The following GUCY1B1 variants were observed in gnomAD, a reference collection of about 807,000 sequenced individuals.
GUCY1B1 encodes guanylate cyclase 1 soluble subunit beta 1, also known as guanylate cyclase soluble subunit beta-1.
Under a neutral mutation model 71.0 loss-of-function variants are expected in GUCY1B1, and 43 were observed. The ratio of observed to expected loss-of-function variants is 0.61; its 90% CI spans 0.47 to 0.78. GUCY1B1 has a LOEUF of 0.78. GUCY1B1 is among the 30% of genes least tolerant of loss of function. The pLI is 0.00. For synonymous variants in GUCY1B1, 266 were observed against 259.7 expected (o/e 1.02, Z -0.23); for missense variants, 535 against 754.1 (o/e 0.71, Z 3.40).
In GUCY1B1 at chr4:155,807,576, T is replaced by C. The variant is rs1031090999; in HGVS notation, c.*1167T>C. ...AATGTGTAAAAGAGTCTGTAATAAA[T>C]TATTTTTTTCACGTGTCTCTATACA... On this transcript the variant is annotated 3_prime_UTR_variant, in exon 14 of 14. Transcript: ENST00000264424. 3.3e-5 allele frequency: 5 copies of C among 152,090 alleles called. No individual in the cohort carries two copies. Among genetic ancestry groups the C allele is most frequent in the Non-Finnish European group, 7.4e-5 (5 of 67,966 alleles). The allele number at this position is 152,090 out of a possible 1,614,324, so 9.4% of individuals were successfully genotyped here. A position where few individuals can be genotyped will look rare whatever the true frequency, so the allele number is the denominator to read the frequency against.
intron 2 of GUCY1B1, among the ~76,000 whole-genome samples, chr4:155,768,226 AC>A (rs2110991242): frequency 6.6e-6 from 1 of 152,182 alleles, no homozygotes; most frequent in East Asian, 1.9e-4. Context: ...TTCTTAACTT[AC>A]TCTAAAAATG....
chr4:155,775,439 C>T (rs369198069), intron 3 of GUCY1B1, among the ~76,000 whole-genome samples: 12 of 152,030 alleles, frequency 7.9e-5, no homozygotes, highest in East Asian at 7.7e-4. Context: ...ACTACAGGCA[C>T]GCACCACCAC....
intron 4 of GUCY1B1, among the ~76,000 whole-genome samples, chr4:155,785,525 T>A (rs1738705560): frequency 6.6e-6 from 1 of 152,174 alleles, no homozygotes; most frequent in South Asian, 2.1e-4. Context: ...TGAACTATCA[T>A]CTTTGTTTAG....
rs1740229466 is a variant in GUCY1B1 at position 155,805,123 on chromosome 4, A to AT, written c.1732dup (p.Ser578PhefsTer41). ...TTTAGATGTCTTATGTCTCCAGAAA[A>AT]TTCAGATCCACAATTCCACTTGGAG... On this transcript the variant is annotated frameshift_variant, in exon 13 of 14. Coordinates refer to ENST00000264424, the MANE Select transcript of GUCY1B1 (RefSeq NM_000857.5). LOFTEE classifies it high-confidence loss of function. The AT allele has an allele frequency of 6.2e-7, 1 of 1,612,106 alleles. No homozygotes were observed. The highest frequency in any genetic ancestry group is 1.3e-5 in the African/African-American group (1 of 74,820).
At chr4:155,764,251 G>A (rs1308124166) in intron 2 of GUCY1B1, among the ~76,000 whole-genome samples, 2 of 152,268 alleles carry the variant, frequency 1.3e-5, no homozygotes, top group African/African-American at 4.8e-5. Context: ...ATGTTTTAAA[G>A]TAGTAAGGAT....
At chr4:155,771,065 C>T (rs545781238) in intron 2 of GUCY1B1, among the ~76,000 whole-genome samples, 1 of 152,054 alleles carries the variant, frequency 6.6e-6, no homozygotes, top group Admixed American at 6.6e-5. Context: ...ACATAATAGG[C>T]ATCCAAATAT....
chr4:155,766,332 T>A (rs975307036), intron 2 of GUCY1B1, among the ~76,000 whole-genome samples: 1 of 152,128 alleles, frequency 6.6e-6, no homozygotes, highest in African/African-American at 2.4e-5. Context: ...TTATATATAT[T>A]TAAGGTGCAC....
In GUCY1B1 at chr4:155,800,445, C is replaced by T. The variant is rs1368879693; in HGVS notation, c.1175+371C>T. Among the ~76,000 whole-genome samples, 5 of 152,120 alleles carry T rather than the reference C, an allele frequency of 3.3e-5. No homozygotes were observed. The East Asian group carries it at 7.7e-4, about 23-fold the overall frequency. On this transcript the variant is annotated intron_variant, in intron 9 of 13. Coordinates refer to ENST00000264424, the MANE Select transcript of GUCY1B1 (RefSeq NM_000857.5). ...CCATCTTCAGTATGCTGGGGGCTGC[C>T]GCGTGCAGAGAGCTGCTCTGCACAA...
At position 155,759,722 on chromosome 4, in the gene GUCY1B1, C is replaced by G. The variant is rs912225495; in HGVS notation, c.4-65C>G. On this transcript the variant is annotated intron_variant, in intron 1 of 13. Coordinates refer to ENST00000264424, the MANE Select transcript of GUCY1B1 (RefSeq NM_000857.5). ...GCCATGGGAGCAGAGGCAGCAGCCTCGCCCCCAAGCCGCTTCTCAGGTACA... is the reference window on the plus strand; with the variant it reads ...GCCATGGGAGCAGAGGCAGCAGCCTGGCCCCCAAGCCGCTTCTCAGGTACA... The G allele has an allele frequency of 5.1e-6, 6 of 1,178,578 alleles. No homozygotes were observed. In the African/African-American group the frequency reaches 9.0e-5, roughly 18 times the overall value. 73.0% of individuals were successfully genotyped at this position (1,178,578 alleles called of 1,614,324 possible). A position where few individuals can be genotyped will look rare whatever the true frequency, so the allele number is the denominator to read the frequency against.
At chr4:155,773,776 T>C (rs905002139) in intron 2 of GUCY1B1, among the ~76,000 whole-genome samples, 1 of 152,166 alleles carries the variant, frequency 6.6e-6, no homozygotes, top group African/African-American at 2.4e-5. Flanking sequence ...TCTTACCTGC[T>C]CCACGGGTTC....
intron 8 of GUCY1B1, among the ~76,000 whole-genome samples, chr4:155,796,750 A>T (rs1336357362): frequency 1.3e-5 from 2 of 152,208 alleles, no homozygotes; most frequent in Non-Finnish European, 2.9e-5. Flanking sequence ...TGGAGTGTTT[A>T]TGCCATTACG....
At chr4:155,789,524 TC>T (rs1739014036) in intron 4 of GUCY1B1, among the ~76,000 whole-genome samples, 189 bp from the exon 5 acceptor site, 1 of 152,256 alleles carries the variant, frequency 6.6e-6, no homozygotes, top group South Asian at 2.1e-4. Flanking sequence ...AATTCTACTA[TC>T]TTAGTTTCAT....
At chr4:155,781,983 T>G (rs1243257156) in intron 4 of GUCY1B1, among the ~76,000 whole-genome samples, 1 of 152,168 alleles carries the variant, frequency 6.6e-6, no homozygotes, top group Non-Finnish European at 1.5e-5. Context: ...TTTGTCTAGT[T>G]TTTCCACTTT....
At chr4:155,773,966 C>A (rs1310387054) in intron 2 of GUCY1B1, among the ~76,000 whole-genome samples, 3 of 152,182 alleles carry the variant, frequency 2.0e-5, no homozygotes, top group African/African-American at 7.2e-5. Context: ...GGATTACAGG[C>A]ATGAGCCACC....
At chr4:155,773,671 T>C (rs1441057786) in intron 2 of GUCY1B1, among the ~76,000 whole-genome samples, 1 of 152,214 alleles carries the variant, frequency 6.6e-6, no homozygotes, top group African/African-American at 2.4e-5. Flanking sequence ...AAAACCTCAG[T>C]GTCCTCCTTG....
chr4:155,785,153 A>G (rs1023706248), intron 4 of GUCY1B1: 10 of 519,438 alleles, frequency 1.9e-5, no homozygotes, highest in Non-Finnish European at 3.0e-5. Flanking sequence ...ATATTAGAAC[A>G]TTAAGAAATG....
rs1222697190 is a variant in GUCY1B1 at position 155,806,735 on chromosome 4, T to C, written c.*326T>C. 3.5e-6 allele frequency: 1 copy of C among 287,062 alleles called. No individual in the cohort carries two copies. Among genetic ancestry groups the C allele is most frequent in the Non-Finnish European group, 6.5e-6 (1 of 154,624 alleles). The allele number at this position is 287,062 out of a possible 1,614,324, so 17.8% of individuals were successfully genotyped here. ...AGGCACCCAATAAATATTTGTTGAA[T>C]TTAGTTAAATGAAACTGAACAGTGT... is the stretch of plus-strand genomic sequence containing the variant. On this transcript the variant is annotated 3_prime_UTR_variant, in exon 14 of 14. Coordinates refer to ENST00000264424, the MANE Select transcript of GUCY1B1 (RefSeq NM_000857.5).
chr4:155,759,638 T>G, intron 1 of GUCY1B1, 149 bp from the exon 2 acceptor site: 1 of 583,126 alleles, frequency 1.7e-6, no homozygotes. Flanking sequence ...TCCGACTCCT[T>G]TAGTGCATAG....
chr4:155,759,751 G>T, intron 1 of GUCY1B1, 36 bp from the exon 2 acceptor site: 1 of 1,511,832 alleles, frequency 6.6e-7, no homozygotes. Context: ...AGGTACAGCG[G>T]GTCCCTGACG....
Sources: gnomAD v4.1 joint callset for allele counts (sites outside exome capture counted in the v4.1 genomes callset) on GRCh38, gnomAD v4.1.1 for gene constraint, MANE v1.5 for transcripts, NCBI Gene and HGNC (gene_info 2026-07-23, HGNC 2026-07-21) for gene names.